PPM1L: variants seen among roughly 807,000 people sequenced by gnomAD.
The protein encoded by PPM1L is protein phosphatase, Mg2+/Mn2+ dependent 1L, also known as protein phosphatase 1L.
PPM1L carries 13 observed loss-of-function variants against 31.4 expected under a neutral mutation model. The ratio of observed to expected loss-of-function variants is 0.41; its 90% CI spans 0.27 to 0.66. The LOEUF is 0.66. Ranked by LOEUF, PPM1L falls within the 30% of genes least tolerant of loss-of-function variation. PPM1L has a pLI of 0.29. For synonymous variants in PPM1L, 184 were observed against 175.4 expected, an observed-to-expected ratio of 1.05 and a Z score of -0.39; for missense variants, 326 against 453.7, an observed-to-expected ratio of 0.72 and a Z score of 2.56.
At chr3:160,914,190 T>C (rs1429000824) in intron 1 of PPM1L, among the ~76,000 whole-genome samples, 1 of 152,242 alleles carries the variant, frequency 6.6e-6, no homozygotes, top group Non-Finnish European at 1.5e-5. Flanking sequence ...ACTACTAATA[T>C]GCTTGGTGGC....
intron 2 of PPM1L, among the ~76,000 whole-genome samples, chr3:160,978,879 A>G (rs1195258363): frequency 6.6e-6 from 1 of 151,926 alleles, no homozygotes; most frequent in Non-Finnish European, 1.5e-5. Context: ...GAAAGAAAGG[A>G]AAGAAAGTAT....
intron 1 of PPM1L, among the ~76,000 whole-genome samples, chr3:160,890,406 A>G (rs1242152680): frequency 6.6e-6 from 1 of 152,164 alleles, no homozygotes; most frequent in African/African-American, 2.4e-5. Context: ...AAAGAGAATA[A>G]AATACCTAGG....
chr3:161,025,946 G>T (rs1412127741), intron 2 of PPM1L, among the ~76,000 whole-genome samples: 2 of 152,112 alleles, frequency 1.3e-5, no homozygotes, highest in Non-Finnish European at 2.9e-5. Context: ...AGTTATTAAA[G>T]TTGAGTGGTA....
At chr3:160,862,720 A>G (rs1369667177) in intron 1 of PPM1L, among the ~76,000 whole-genome samples, 1 of 148,698 alleles carries the variant, frequency 6.7e-6, no homozygotes, top group Non-Finnish European at 1.5e-5. Flanking sequence ...CTGAAACCCT[A>G]ATACTGTCAA....
In PPM1L at chr3:160,808,383, C is replaced by CTCTGTGTGTGTGTG. The variant is rs1204425630; in HGVS notation, c.399+51677_399+51678insCTGTGTGTGTGTGT. Among the ~76,000 whole-genome samples the CTCTGTGTGTGTGTG allele has an allele frequency of 1.9e-4, 21 of 110,364 alleles. 1 individual carries two copies. Among genetic ancestry groups the CTCTGTGTGTGTGTG allele is most frequent in the African/African-American group, 7.5e-4 (21 of 28,028 alleles). 72.4% of individuals were successfully genotyped at this position (110,364 alleles called of 152,430 possible). On this transcript the variant is annotated intron_variant, in intron 1 of 3. Transcript: ENST00000498165. ...TAAGAGCTGCAGTGCCAGGATTTTC[C>CTCTGTGTGTGTGTG]TGTGTGTGTGTGTGTGTGTGTGTGT...
At chr3:161,021,596 TTC>T in intron 2 of PPM1L, among the ~76,000 whole-genome samples, 1 of 152,050 alleles carries the variant, frequency 6.6e-6, no homozygotes, top group Non-Finnish European at 1.5e-5. Context: ...TTCTGCCTCG[TTC>T]TATCTATTAG....
intron 2 of PPM1L, among the ~76,000 whole-genome samples, chr3:161,037,811 C>T (rs1217919721): frequency 6.6e-6 from 1 of 151,930 alleles, no homozygotes; most frequent in Non-Finnish European, 1.5e-5. Context: ...CCTACTAAGC[C>T]CCTCAGGATT....
intron 2 of PPM1L, among the ~76,000 whole-genome samples, chr3:161,055,131 T>C (rs1212673136): frequency 6.6e-6 from 1 of 152,020 alleles, no homozygotes; most frequent in African/African-American, 2.4e-5. Flanking sequence ...ACTCAGGCAA[T>C]AGACAAGAGA....
intron 1 of PPM1L, among the ~76,000 whole-genome samples, chr3:160,943,894 T>C (rs1715237163): frequency 6.6e-6 from 1 of 152,162 alleles, no homozygotes; most frequent in African/African-American, 2.4e-5. Flanking sequence ...CAATGTGTTT[T>C]GAAGAAGAAT....
At chr3:160,959,572 G>C (rs1455752922) in intron 1 of PPM1L, among the ~76,000 whole-genome samples, 1 of 152,234 alleles carries the variant, frequency 6.6e-6, no homozygotes, top group African/African-American at 2.4e-5. Context: ...GCTCACGCCT[G>C]TAATCTCAGC....
At chr3:160,920,918 G>A (rs1245024271) in intron 1 of PPM1L, among the ~76,000 whole-genome samples, 1 of 152,050 alleles carries the variant, frequency 6.6e-6, no homozygotes, top group African/African-American at 2.4e-5. Flanking sequence ...GCCACAATGT[G>A]AGACAGCAGC....
chr3:161,016,043 C>A (rs868456127), intron 2 of PPM1L, among the ~76,000 whole-genome samples: 1 of 152,100 alleles, frequency 6.6e-6, no homozygotes, highest in Non-Finnish European at 1.5e-5. Flanking sequence ...GGTGGCAGGT[C>A]ACCAAAAGGT....
intron 2 of PPM1L, among the ~76,000 whole-genome samples, chr3:161,057,777 C>T (rs983228991): frequency 6.6e-6 from 1 of 151,992 alleles, no homozygotes. Context: ...ACAAGCCCCC[C>T]CGACTCCCTT....
chr3:160,815,441 T>TG (rs1712964108), intron 1 of PPM1L, among the ~76,000 whole-genome samples: 1 of 151,972 alleles, frequency 6.6e-6, no homozygotes, highest in African/African-American at 2.4e-5. Flanking sequence ...AATTCCTGTA[T>TG]GTCAGGGCTG....
intron 2 of PPM1L, among the ~76,000 whole-genome samples, chr3:161,026,369 G>C (rs112071527): frequency 0.025 from 3,813 of 152,270 alleles, 84 homozygotes; most frequent in South Asian, 0.044. Flanking sequence ...TCTCAGAAGA[G>C]GTAACATCTT....
At chr3:160,877,630 C>G (rs978919800) in intron 1 of PPM1L, among the ~76,000 whole-genome samples, 4 of 152,098 alleles carry the variant, frequency 2.6e-5, no homozygotes, top group Non-Finnish European at 1.5e-5. Context: ...AGGAGAACAG[C>G]TCTCTCTCCT....
chr3:160,797,530 G>C (rs1019719842), intron 1 of PPM1L, among the ~76,000 whole-genome samples: 4 of 152,320 alleles, frequency 2.6e-5, no homozygotes, highest in African/African-American at 9.6e-5. Flanking sequence ...GCTTAGTGAG[G>C]AAGGCATGTT....
At chr3:161,031,064 C>T (rs564762295) in intron 2 of PPM1L, among the ~76,000 whole-genome samples, 26 of 152,326 alleles carry the variant, frequency 1.7e-4, no homozygotes, top group South Asian at 6.2e-4. Context: ...CCTTTATAAG[C>T]TGCTGTCACA....
At chr3:160,774,662 C>T (rs1667545982) in intron 1 of PPM1L, among the ~76,000 whole-genome samples, 1 of 152,176 alleles carries the variant, frequency 6.6e-6, no homozygotes, top group South Asian at 2.1e-4. Context: ...TCACTGAATA[C>T]CTGATGGATA....
Sources: gnomAD v4.1 joint callset for allele counts (sites outside exome capture counted in the v4.1 genomes callset) on GRCh38, gnomAD v4.1.1 for gene constraint, MANE v1.5 for transcripts, NCBI Gene and HGNC (gene_info 2026-07-23, HGNC 2026-07-21) for gene names.